DSCAML1: variants seen among roughly 807,000 people sequenced by gnomAD.
The protein encoded by DSCAML1 is DS cell adhesion molecule like 1.
A neutral mutation model predicts 200.5 loss-of-function variants in DSCAML1; 38 were observed. The observed-to-expected ratio is 0.19, with a 90% CI of 0.15 to 0.25. DSCAML1 has a LOEUF of 0.25. Among genes scored for constraint, DSCAML1 ranks in the 10% least tolerant of loss-of-function variants. The pLI, the probability that DSCAML1 is intolerant of heterozygous loss-of-function variation, is 1.00. For missense variants in DSCAML1, 2,223 were observed against 2,858.8 expected (o/e 0.78, Z 5.07); for synonymous variants, 1,215 against 1,165.0 (o/e 1.04, Z -0.87).
chr11:117,753,301 G>A (rs2054632368), intron 3 of DSCAML1, among the ~76,000 whole-genome samples: 1 of 152,202 alleles, frequency 6.6e-6, no homozygotes, highest in Non-Finnish European at 1.5e-5. Context: ...TTAGAAAGAG[G>A]TGGTGTGAAA....
chr11:117,461,971 G>C (rs2137150766), intron 17 of DSCAML1, among the ~76,000 whole-genome samples: 1 of 152,284 alleles, frequency 6.6e-6, no homozygotes, highest in Admixed American at 6.5e-5. Context: ...TGACAGACCT[G>C]GAAGGCCACC....
In DSCAML1 at chr11:117,503,950, G is replaced by A. The variant is rs1323693848; in HGVS notation, c.2254C>T (p.Leu752=). The A allele has an allele frequency of 6.2e-7, 1 of 1,614,224 alleles. No individual in the cohort carries two copies. The highest frequency in any genetic ancestry group is 8.5e-7 in the Non-Finnish European group (1 of 1,180,044). Residue 752 remains leucine (L), a synonymous_variant, in exon 11 of 33, where the codon CTG becomes TTG. Coordinates refer to ENST00000651296, the MANE Select transcript of DSCAML1 (RefSeq NM_020693.4). This position sits in a 1 kb window ranked among gnomAD's most constrained non-coding sequence, Gnocchi z 5.2. ...TCTTCTAGGACGTGGCGGATCAGCA[G>A]CGAGCTGTTGGGCAGGATCTGGATG... ...GRIQILPNSS[L]LIRHVLEEDI... is the part of the protein sequence containing the mutation.
chr11:117,471,812 C>CCCACCCCCTTTAACTGCAAGCT (rs2048692544), intron 15 of DSCAML1, 57 bp downstream of exon 15: 1 of 1,283,324 alleles, frequency 7.8e-7, no homozygotes, highest in African/African-American at 2.0e-5. Context: ...CGCTGTAGGC[C>CCCACCCCCTTTAACTGCAAGCT]CCTGGTGGTC....
intron 3 of DSCAML1, among the ~76,000 whole-genome samples, chr11:117,669,433 T>C (rs1310786004): frequency 6.6e-6 from 1 of 152,206 alleles, no homozygotes; most frequent in Non-Finnish European, 1.5e-5. Context: ...AGATGGCAAC[T>C]CTTCTCCAGC....
intron 3 of DSCAML1, among the ~76,000 whole-genome samples, chr11:117,757,062 T>C (rs1414824469): frequency 1.3e-5 from 2 of 151,784 alleles, no homozygotes; most frequent in South Asian, 2.1e-4. Context: ...GGGTGGGGAG[T>C]TGGCAGGAGG....
chr11:117,787,402 T>G (rs1565285396), intron 1 of DSCAML1, among the ~76,000 whole-genome samples: 1 of 151,638 alleles, frequency 6.6e-6, no homozygotes, highest in Non-Finnish European at 1.5e-5. Context: ...AACAAATATT[T>G]ACTGCTCACC....
chr11:117,501,258 A>G (rs1276667979), intron 11 of DSCAML1, among the ~76,000 whole-genome samples: 1 of 152,122 alleles, frequency 6.6e-6, no homozygotes, highest in Non-Finnish European at 1.5e-5. Flanking sequence ...GTTACTTGGA[A>G]CAGGCACCTG....
rs730302 is a variant in DSCAML1 at position 117,572,641 on chromosome 11, A to C, written c.512-40119T>G. On this transcript the variant is annotated intron_variant, in intron 3 of 32. Coordinates refer to ENST00000651296, the MANE Select transcript of DSCAML1 (RefSeq NM_020693.4). The stretch of plus-strand genomic sequence containing the variant: ...AGTACTTACAGGGGAATTATTAGGG[A>C]GTCCAACATCCGGTAGGGGATTGGG... Among the ~76,000 whole-genome samples the C allele has an allele frequency of 1.8e-3, 271 of 152,306 alleles. 8 individuals carry two copies. The East Asian group carries it at 0.042, about 23-fold the overall frequency.
At chr11:117,814,918 A>C (rs1030500694) in intron 1 of DSCAML1, among the ~76,000 whole-genome samples, 1 of 152,202 alleles carries the variant, frequency 6.6e-6, no homozygotes, top group African/African-American at 2.4e-5. Context: ...AGTAGTATTT[A>C]CTGGAGAGCC....
At chr11:117,653,285 T>G (rs11216486) in intron 3 of DSCAML1, among the ~76,000 whole-genome samples, 20,594 of 152,156 alleles carry the variant, frequency 0.14, 1,773 homozygotes, top group African/African-American at 0.22. Context: ...TCCCCAGCCA[T>G]GAAGTGGATC....
intron 1 of DSCAML1, among the ~76,000 whole-genome samples, chr11:117,809,944 T>C (rs893141501): frequency 1.4e-5 from 2 of 144,526 alleles, no homozygotes; most frequent in Non-Finnish European, 1.5e-5. Flanking sequence ...CATATTCACA[T>C]ACACACATTC....
intron 3 of DSCAML1, among the ~76,000 whole-genome samples, chr11:117,535,586 TC>T (rs1270646790): frequency 1.3e-5 from 2 of 152,104 alleles, no homozygotes; most frequent in African/African-American, 4.8e-5. Flanking sequence ...GAAAGCCAGC[TC>T]CCCAGTGGAC....
chr11:117,572,327 C>G, intron 3 of DSCAML1, among the ~76,000 whole-genome samples: 1 of 152,170 alleles, frequency 6.6e-6, no homozygotes, highest in Non-Finnish European at 1.5e-5. Context: ...GTGGCCTCTC[C>G]GAGTTTCCAG....
At chr11:117,740,062 A>T (rs1271005163) in intron 3 of DSCAML1, among the ~76,000 whole-genome samples, 1 of 152,188 alleles carries the variant, frequency 6.6e-6, no homozygotes, top group East Asian at 1.9e-4. Context: ...GTTTCCAACA[A>T]CCAGATGTAG....
intron 20 of DSCAML1, among the ~76,000 whole-genome samples, chr11:117,447,259 G>C (rs1378862067): frequency 6.6e-6 from 1 of 152,228 alleles, no homozygotes; most frequent in East Asian, 1.9e-4. Flanking sequence ...CTGCACTCCA[G>C]CCTGGGTGAC....
At position 117,465,097 on chromosome 11, in the gene DSCAML1, T is replaced by C; in HGVS notation, c.3110A>G (p.Tyr1037Cys). The change falls in exon 17 of 33, where the codon TAC becomes TGC. Residue 1037 changes from tyrosine to cysteine, a missense_variant. By Grantham distance (194) the Tyr-to-Cys change is radical. This residue lies in a region of DSCAML1 where 438 missense variants were observed against 629.7 expected (regional missense o/e 0.70). Coordinates refer to ENST00000651296, the MANE Select transcript of DSCAML1 (RefSeq NM_020693.4). ...CGTGGCCTTCATCTCCACGATGCTGTACTGCCCGTTGCTGCCGGGGCTGTT... is the reference window on the plus strand; with the variant it reads ...CGTGGCCTTCATCTCCACGATGCTGCACTGCCCGTTGCTGCCGGGGCTGTT... ...RENSPGSNGQ[Y>C]SIVEMKATGD... The C allele has an allele frequency of 6.2e-7, 1 of 1,614,176 alleles. No homozygotes were observed. The highest frequency in any genetic ancestry group is 8.5e-7 in the Non-Finnish European group (1 of 1,180,028).
chr11:117,466,463 G>T (rs750648722), intron 16 of DSCAML1, among the ~76,000 whole-genome samples: 1 of 152,350 alleles, frequency 6.6e-6, no homozygotes, highest in Middle Eastern at 3.4e-3. Flanking sequence ...CACTTTGGGA[G>T]GCTGAGGTGG....
At chr11:117,623,220 T>TC (rs1408968393) in intron 3 of DSCAML1, among the ~76,000 whole-genome samples, 21 of 139,310 alleles carry the variant, frequency 1.5e-4, no homozygotes, top group Non-Finnish European at 2.2e-4. Context: ...TCTTTTCTTT[T>TC]TTTTTTTTTT....
At chr11:117,590,279 C>T (rs73588626) in intron 3 of DSCAML1, among the ~76,000 whole-genome samples, 2,002 of 151,994 alleles carry the variant, frequency 0.013, 35 homozygotes, top group African/African-American at 0.045. Context: ...GCCTTGACTT[C>T]CTGGGCTCAA....
Sources: allele counts gnomAD v4.1 joint callset (sites outside exome capture counted in the v4.1 genomes callset), GRCh38; gene constraint gnomAD v4.1.1; regional missense constraint gnomAD v4.1.1; non-coding constraint Gnocchi (gnomAD v3.1); transcripts MANE v1.5; gene names NCBI Gene and HGNC (gene_info 2026-07-23, HGNC 2026-07-21).